Variants in TULP4 observed in about 807,000 individuals in gnomAD.
TULP4 encodes tubby-related protein 4.
Under a neutral mutation model 129.0 loss-of-function variants are expected in TULP4, and 16 were observed. The ratio of observed to expected loss-of-function variants is 0.12; its 90% confidence interval spans 0.08 to 0.19. The LOEUF (loss-of-function observed/expected upper bound fraction) is 0.19, where lower values mean the gene tolerates loss of function less well. TULP4 is among the 10% of genes least tolerant of loss of function. TULP4 has a pLI of 1.00. For missense variants in TULP4, 1,842 were observed against 2,059.1 expected (o/e 0.89, Z 2.04); for synonymous variants, 998 against 854.0 (o/e 1.17, Z -2.94).
intron 6 of TULP4, 120 bp downstream of exon 6, chr6:158,461,849 C>T: frequency 3.3e-6 from 4 of 1,208,316 alleles, no homozygotes; most frequent in East Asian, 2.6e-5. Context: ...GGTGGGTAAA[C>T]CAGGAGAAAT....
chr6:158,480,276 A>G (rs755886647), intron 7 of TULP4, among the ~76,000 whole-genome samples: 20 of 152,248 alleles, frequency 1.3e-4, no homozygotes, highest in African/African-American at 4.1e-4. Flanking sequence ...TATACTAAGC[A>G]TTGCACCAGT....
At chr6:158,419,294 T>C (rs1287273733) in intron 2 of TULP4, among the ~76,000 whole-genome samples, 1 of 152,248 alleles carries the variant, frequency 6.6e-6, no homozygotes, top group African/African-American at 2.4e-5. Context: ...TGTTCATTTA[T>C]TTTCTCATTA....
chr6:158,236,651 ACT>A (rs1777706815), intron 1 of TULP4, among the ~76,000 whole-genome samples: 1 of 152,074 alleles, frequency 6.6e-6, no homozygotes, highest in African/African-American at 2.4e-5. Context: ...GTGTCTTCAG[ACT>A]CTAGCTGAAA....
At chr6:158,261,409 G>A (rs575455336) in intron 1 of TULP4, among the ~76,000 whole-genome samples, 3 of 152,290 alleles carry the variant, frequency 2.0e-5, no homozygotes, top group South Asian at 2.1e-4. Context: ...CAGCCATCAC[G>A]CTCTAGGGCT....
chr6:158,470,627 G>C (rs1049611182), intron 6 of TULP4, among the ~76,000 whole-genome samples: 1 of 152,222 alleles, frequency 6.6e-6, no homozygotes, highest in Admixed American at 6.5e-5. Context: ...AATCCAGCTA[G>C]TCCTGTCTCT....
chr6:158,297,203 G>T (rs12154009), intron 1 of TULP4, among the ~76,000 whole-genome samples: 9,525 of 152,182 alleles, frequency 0.063, 418 homozygotes, highest in South Asian at 0.13. Context: ...GCTAGGAAAA[G>T]AATTTAGTGG....
chr6:158,341,180 C>T (rs1299359900), intron 1 of TULP4, among the ~76,000 whole-genome samples: 1 of 152,096 alleles, frequency 6.6e-6, no homozygotes, highest in South Asian at 2.1e-4. Flanking sequence ...GAGTGAAAAC[C>T]ACACGTCATT....
rs1780218955 is a variant in TULP4, at chr6:158,491,866, G to T, written c.1632-1707G>T. On this transcript the variant is annotated intron_variant, in intron 9 of 13. Coordinates refer to ENST00000367097, the MANE Select transcript of TULP4 (RefSeq NM_020245.5). ...TCTGAATGTCTCATTCTTTTTTGTT[G>T]TTGTTTTTTCGAGCTGGAGTCTTGC... Among the ~76,000 whole-genome samples, 3 of 143,538 alleles carry T rather than the reference G, an allele frequency of 2.1e-5. No individual in the cohort carries two copies. The South Asian group carries it at 6.8e-4, about 32-fold the overall frequency. The allele number at this position is 143,538 out of a possible 152,430, so 94.2% of individuals were successfully genotyped here. A position where few individuals can be genotyped will look rare whatever the true frequency, so the allele number is the denominator to read the frequency against.
chr6:158,302,149 A>G (rs903852356), intron 1 of TULP4, among the ~76,000 whole-genome samples: 1 of 152,174 alleles, frequency 6.6e-6, no homozygotes, highest in Non-Finnish European at 1.5e-5. Context: ...GCCTGGGGAA[A>G]TTGAGCTCAA....
rs1779430179 is a variant in TULP4, at chr6:158,314,061, C to T, written c.45C>T (p.Ser15=). The T allele has an allele frequency of 6.2e-7, 1 of 1,614,074 alleles. No individual in the cohort carries two copies. The highest frequency in any genetic ancestry group is 1.1e-5 in the South Asian group (1 of 91,090). The change falls in exon 1 of 14, where the codon TCC becomes TCT. Residue 15 remains serine (S), a synonymous_variant. Transcript: ENST00000367097. The part of the protein sequence containing the change: ...VEHGPVLCSD[S]NILCLSWKGR... Reference sequence around the variant, plus strand: ...ATGGGCCTGTGCTTTGCAGCGATTCCAACATCCTGTGCCTGTCCTGGAAGG... The same window carrying T: ...ATGGGCCTGTGCTTTGCAGCGATTCTAACATCCTGTGCCTGTCCTGGAAGG...
intron 1 of TULP4, chr6:158,237,613 A>G: frequency 7.0e-7 from 1 of 1,436,152 alleles, no homozygotes. Flanking sequence ...ACATTCTTGC[A>G]TTGGCAGCCA....
chr6:158,376,948 G>A (rs1000206192), intron 1 of TULP4, among the ~76,000 whole-genome samples: 2 of 152,218 alleles, frequency 1.3e-5, no homozygotes, highest in African/African-American at 2.4e-5. Flanking sequence ...TGCCTACCTC[G>A]AGGCTGTTTG....
rs778595442 is a variant in TULP4 at position 158,385,842 on chromosome 6, C to CTTTTTTTT, written c.253-27210_253-27203dup. Among the ~76,000 whole-genome samples, 180 of 59,578 alleles carry CTTTTTTTT rather than the reference C, an allele frequency of 3.0e-3. 26 individuals carry two copies. The highest frequency in any genetic ancestry group is 8.4e-3 in the African/African-American group (116 of 13,876). The allele number at this position is 59,578 out of a possible 152,430, so 39.1% of individuals were successfully genotyped here. On this transcript the variant is annotated intron_variant, in intron 1 of 13. Coordinates refer to ENST00000367097, the MANE Select transcript of TULP4 (RefSeq NM_020245.5). ...GGAAAAGTCTACAAATGTGGAATAT[C>CTTTTTTTT]TTTTTTTTTTTTTTTTTTTTGAGAA...
At chr6:158,316,557 T>TC (rs147790648) in intron 1 of TULP4, among the ~76,000 whole-genome samples, 10 of 152,220 alleles carry the variant, frequency 6.6e-5, no homozygotes, top group African/African-American at 1.9e-4. Flanking sequence ...TGCACACATT[T>TC]CCCCCCCTCA....
chr6:158,489,581 T>C lies in TULP4; in HGVS notation c.1487-7T>C. The C allele has an allele frequency of 6.2e-7, 1 of 1,614,070 alleles. No individual in the cohort carries two copies. The highest frequency in any genetic ancestry group is 8.5e-7 in the Non-Finnish European group (1 of 1,180,012). ...CCCTTGAAATCTGCTGGTTGGTGTT[T>C]TACCAGATGAAATCTATGGGAACAG... On this transcript the variant is annotated splice_polypyrimidine_tract_variant and splice_region_variant and intron_variant, in intron 8 of 13. Coordinates refer to ENST00000367097, the MANE Select transcript of TULP4 (RefSeq NM_020245.5).
chr6:158,394,426 A>G (rs1218655696), intron 1 of TULP4, among the ~76,000 whole-genome samples: 2 of 152,044 alleles, frequency 1.3e-5, no homozygotes, highest in African/African-American at 4.8e-5. Context: ...AGGTATCTTC[A>G]TAGCAATGCC....
intron 1 of TULP4, among the ~76,000 whole-genome samples, chr6:158,377,258 T>G (rs1777213833): frequency 6.6e-6 from 1 of 152,086 alleles, no homozygotes; most frequent in Admixed American, 6.5e-5. Flanking sequence ...ACTTACAGTT[T>G]ACTTGGAAAG....
chr6:158,409,941 C>T (rs549648576), intron 1 of TULP4, among the ~76,000 whole-genome samples: 6 of 152,126 alleles, frequency 3.9e-5, no homozygotes, highest in African/African-American at 9.6e-5. Context: ...CTGCAAGCTC[C>T]GCCTCCCGGG....
intron 5 of TULP4, among the ~76,000 whole-genome samples, chr6:158,458,505 G>A (rs1410465732): frequency 6.6e-6 from 1 of 152,124 alleles, no homozygotes; most frequent in Non-Finnish European, 1.5e-5. Context: ...AGGGAAAAGA[G>A]GCCTACTGAG....
Sources: gnomAD v4.1 joint callset for allele counts (sites outside exome capture counted in the v4.1 genomes callset) on GRCh38, gnomAD v4.1.1 for gene constraint, MANE v1.5 for transcripts, NCBI Gene and HGNC (gene_info 2026-07-23, HGNC 2026-07-21) for gene names.